The following ADCY1 variants were observed in gnomAD, a reference collection of about 807,000 sequenced individuals.
ADCY1 encodes adenylate cyclase 1, also known as adenylate cyclase type 1.
A neutral mutation model predicts 105.4 loss-of-function variants in ADCY1; 28 were observed. That is an observed-to-expected ratio of 0.27 (90% CI 0.20 to 0.36). The LOEUF is 0.36. Among genes scored for constraint, ADCY1 ranks in the 10% least tolerant of loss-of-function variants. The pLI is 1.00. For synonymous variants in ADCY1, 655 were observed against 623.8 expected (o/e 1.05, Z -0.75); for missense variants, 977 against 1,434.2 (o/e 0.68, Z 5.15).
At chr7:45,682,444 A>G (rs1784577454) in intron 11 of ADCY1, among the ~76,000 whole-genome samples, 1 of 152,076 alleles carries the variant, frequency 6.6e-6, no homozygotes, top group African/African-American at 2.4e-5. Context: ...GAAGCCCAGG[A>G]GGTGTGCACT....
chr7:45,627,405 CTG>C (rs1794092815), intron 4 of ADCY1, among the ~76,000 whole-genome samples: 1 of 152,192 alleles, frequency 6.6e-6, no homozygotes. Context: ...TCATTCATCA[CTG>C]TGTGTGTGGC....
chr7:45,664,992 C>T (rs750065775), intron 8 of ADCY1, among the ~76,000 whole-genome samples: 44 of 152,274 alleles, frequency 2.9e-4, no homozygotes, highest in Admixed American at 5.9e-4. Context: ...CATGTATTCT[C>T]ATTGTTCAAT....
intron 18 of ADCY1, among the ~76,000 whole-genome samples, chr7:45,709,892 G>A (rs1167214813): frequency 6.6e-6 from 1 of 152,196 alleles, no homozygotes; most frequent in Non-Finnish European, 1.5e-5. Flanking sequence ...TTTGCAGAAA[G>A]TTGCACAAGG....
Position 45,623,502 on chromosome 7 carries a change from A to G in ADCY1, c.1020+759A>G, listed in dbSNP as rs527388255. Among the ~76,000 whole-genome samples, 8 of 152,298 alleles carry G rather than the reference A, an allele frequency of 5.3e-5. No individual in the cohort carries two copies. The East Asian group carries it at 1.4e-3, about 26-fold the overall frequency. On this transcript the variant is annotated intron_variant, in intron 4 of 19. Transcript: ENST00000297323. ...AATGTGCTGTGTTTAGAGATAGGACATGTCGGGCTGGGATCTGAGCTGCAG... is the reference window on the plus strand; with the variant it reads ...AATGTGCTGTGTTTAGAGATAGGACGTGTCGGGCTGGGATCTGAGCTGCAG...
chr7:45,711,624 TATATATATATATATATATATACACACAC>T (rs1465279058), intron 19 of ADCY1, among the ~76,000 whole-genome samples: 719 of 31,858 alleles, frequency 0.023, 18 homozygotes, highest in South Asian at 0.059. Context: ...TATATATATA[TATATATATATATATATATATACACACAC>T]ACACGTATGT....
chr7:45,710,233 G>T lies in ADCY1; in HGVS notation c.2933-295G>T, dbSNP rs1219134954. 6.6e-6 allele frequency among the ~76,000 whole-genome samples: 1 copy of T among 152,180 alleles called. No individual in the cohort carries two copies. The highest frequency in any genetic ancestry group is 2.4e-5 in the African/African-American group (1 of 41,440). ...CAGAGGCTGCTATTCCAGGAAAGGG[G>T]ACTTTTATTTAGGATCAGGACTCGT... On this transcript the variant is annotated intron_variant, in intron 18 of 19. Coordinates refer to ENST00000297323, the MANE Select transcript of ADCY1 (RefSeq NM_021116.4). This position sits in a 1 kb window ranked among gnomAD's most constrained non-coding sequence, Gnocchi z 4.7.
At position 45,574,444 on chromosome 7, in the gene ADCY1, GCCGCCCGCCGC is replaced by G. The variant is rs1438693817; in HGVS notation, c.-90_-80del. 1,225 of 153,586 alleles carry G rather than the reference GCCGCCCGCCGC, an allele frequency of 8.0e-3. 67 individuals carry two copies. In the East Asian group the frequency reaches 0.13, roughly 16 times the overall value. The allele number at this position is 153,586 out of a possible 1,614,324, so 9.5% of individuals were successfully genotyped here. On this transcript the variant is annotated 5_prime_UTR_variant, in exon 1 of 20. Transcript: ENST00000297323. The surrounding 1 kb of genome is among the most constrained non-coding windows in gnomAD (Gnocchi z 7.0). ...CCCGCGCCCCGCGCCCCGGCGCCTC[GCCGCCCGCCGC>G]CCGCCCGCCCCGGCGCCGCCGCCCG...
intron 4 of ADCY1, among the ~76,000 whole-genome samples, chr7:45,632,683 C>A (rs1438909244): frequency 6.6e-6 from 1 of 152,190 alleles, no homozygotes; most frequent in East Asian, 1.9e-4. Context: ...TCTGCTTCAG[C>A]CTCCTGAGTA....
intron 1 of ADCY1, among the ~76,000 whole-genome samples, chr7:45,587,530 G>A (rs1276324859): frequency 2.6e-5 from 4 of 152,198 alleles, no homozygotes; most frequent in Admixed American, 2.6e-4. Flanking sequence ...GGACTTGCAG[G>A]TTTGGCTTGG....
At position 45,713,875 on chromosome 7, in the gene ADCY1, T is replaced by C. The variant is rs2116290232; in HGVS notation, c.3240T>C (p.Ala1080=). 6 of 780,776 alleles carry C rather than the reference T, an allele frequency of 7.7e-6. No individual in the cohort carries two copies. In the East Asian group the frequency reaches 1.5e-4, roughly 19 times the overall value. 48.4% of individuals were successfully genotyped at this position (780,776 alleles called of 1,614,324 possible). A position where few individuals can be genotyped will look rare whatever the true frequency, so the allele number is the denominator to read the frequency against. ...LDRKMCPFGR[A]GLQGRRPPVC... ...GGAAAATGTGTCCATTTGGGAGAGC[T>C]GGCCTTCAGGGCAGACGTCCCCCCG... The change falls in exon 20 of 20, where the codon GCT becomes GCC. Residue 1080 remains alanine, a synonymous_variant. Transcript: ENST00000297323.
intron 4 of ADCY1, among the ~76,000 whole-genome samples, chr7:45,646,376 C>G (rs1231055471): frequency 6.6e-6 from 1 of 152,224 alleles, no homozygotes; most frequent in Non-Finnish European, 1.5e-5. Context: ...GCACTGGAAC[C>G]AGGCAGCAAC....
At chr7:45,671,537 G>C (rs1784367508) in intron 8 of ADCY1, among the ~76,000 whole-genome samples, 1 of 152,072 alleles carries the variant, frequency 6.6e-6, no homozygotes, top group East Asian at 1.9e-4. Context: ...CCCATCCCCA[G>C]TGTATGAAGG....
At chr7:45,653,505 C>T (rs1794863486) in intron 5 of ADCY1, among the ~76,000 whole-genome samples, 1 of 152,208 alleles carries the variant, frequency 6.6e-6, no homozygotes, top group Non-Finnish European at 1.5e-5. Context: ...AGACCTTCCA[C>T]GTGTTAAGAG....
Position 45,708,519 on chromosome 7 carries a change from A to C in ADCY1, c.2932+55A>C. 1 of 1,377,998 alleles carries C rather than the reference A, an allele frequency of 7.3e-7. No homozygotes were observed. Among genetic ancestry groups the C allele is most frequent in the Non-Finnish European group, 1.0e-6 (1 of 970,222 alleles). 85.4% of individuals were successfully genotyped at this position (1,377,998 alleles called of 1,614,324 possible). A position where few individuals can be genotyped will look rare whatever the true frequency, so the allele number is the denominator to read the frequency against. On this transcript the variant is annotated intron_variant, in intron 18 of 19. Transcript: ENST00000297323. This position sits in a 1 kb window ranked among gnomAD's most constrained non-coding sequence, Gnocchi z 4.7. ...CCATGTGGAACACCTTCCTACACCC[A>C]CCTAGGGGTGGGATCAGCTGATGAG...
intron 4 of ADCY1, among the ~76,000 whole-genome samples, chr7:45,637,400 T>A (rs1475052932): frequency 6.6e-6 from 1 of 152,228 alleles, no homozygotes; most frequent in Admixed American, 6.5e-5. Flanking sequence ...ATTTATGCAG[T>A]CTATTTCTTT....
chr7:45,650,555 A>AG (rs2116068293), intron 5 of ADCY1, among the ~76,000 whole-genome samples: 1 of 152,262 alleles, frequency 6.6e-6, no homozygotes, highest in Admixed American at 6.5e-5. Flanking sequence ...GACCTGGCTG[A>AG]CCAGGTGGCT....
intron 4 of ADCY1, among the ~76,000 whole-genome samples, chr7:45,623,644 T>C (rs963704682): frequency 6.6e-6 from 1 of 152,228 alleles, no homozygotes; most frequent in African/African-American, 2.4e-5. Flanking sequence ...AGCCATCAGA[T>C]TGAAAGCTAG....
intron 3 of ADCY1, among the ~76,000 whole-genome samples, chr7:45,610,782 G>GGTGAAGGGGTGATGGTGAAGGTGTGGA (rs1793533027): frequency 1.0e-4 from 2 of 20,078 alleles, no homozygotes; most frequent in Admixed American, 5.5e-4. Context: ...GGAGGTGTGG[G>GGTGAAGGGGTGATGGTGAAGGTGTGGA]GGTGATGGTG....
intron 3 of ADCY1, among the ~76,000 whole-genome samples, chr7:45,622,016 G>A (rs976329431): frequency 3.3e-5 from 5 of 152,176 alleles, no homozygotes; most frequent in Non-Finnish European, 5.9e-5. Flanking sequence ...ACACTGTGTC[G>A]TTTAGGGCTG....
Sources: allele counts gnomAD v4.1 joint callset (sites outside exome capture counted in the v4.1 genomes callset), GRCh38; gene constraint gnomAD v4.1.1; non-coding constraint Gnocchi (gnomAD v3.1); transcripts MANE v1.5; gene names NCBI Gene and HGNC (gene_info 2026-07-23, HGNC 2026-07-21).